The following COL5A2 variants were observed in gnomAD, a reference collection of about 807,000 sequenced individuals.
COL5A2 encodes collagen alpha-2(V) chain.
COL5A2 carries 23 observed loss-of-function variants against 208.2 expected under a neutral mutation model. The ratio of observed to expected loss-of-function variants is 0.11; its 90% CI spans 0.08 to 0.16. The LOEUF is 0.16. COL5A2 is among the 10% of genes least tolerant of loss of function. The probability of loss-of-function intolerance (pLI) is 1.00; values close to 1 mark genes in which losing one functional copy is unlikely to be tolerated. For synonymous variants in COL5A2, 625 were observed against 628.5 expected, an observed-to-expected ratio of 0.99 and a Z score of 0.08; for missense variants, 1,590 against 1,956.4, an observed-to-expected ratio of 0.81 and a Z score of 3.53.
At chr2:189,160,062 A>G (rs140974546) in intron 1 of COL5A2, among the ~76,000 whole-genome samples, 1 of 152,234 alleles carries the variant, frequency 6.6e-6, no homozygotes, top group East Asian at 1.9e-4. Flanking sequence ...TTGGTGACTA[A>G]AATTGCCATC....
chr2:189,311,978 C>G, the COL5A2 span: 1 of 749,568 alleles, frequency 1.3e-6, no homozygotes, highest in East Asian at 2.5e-5. Context: ...CATCAGTGAC[C>G]TTGTGGAGCC....
chr2:189,428,561 T>C, the COL5A2 span, among the ~76,000 whole-genome samples: 1 of 152,026 alleles, frequency 6.6e-6, no homozygotes, highest in Non-Finnish European at 1.5e-5. Context: ...GAGGTTGCAG[T>C]GAGCCAAGAC....
chr2:189,423,118 T>C, the COL5A2 span, among the ~76,000 whole-genome samples: 1 of 150,406 alleles, frequency 6.6e-6, no homozygotes, highest in Non-Finnish European at 1.5e-5. Context: ...AATGACAAAA[T>C]TAAAAGGAAC....
At chr2:189,381,868 TTATAA>T in the COL5A2 span, among the ~76,000 whole-genome samples, 2 of 152,056 alleles carry the variant, frequency 1.3e-5, no homozygotes, top group East Asian at 1.9e-4. Context: ...GAAAATAGTA[TTATAA>T]TATAAACTTT....
the COL5A2 span, among the ~76,000 whole-genome samples, chr2:189,322,657 A>G: frequency 6.6e-6 from 1 of 152,188 alleles, no homozygotes; most frequent in Non-Finnish European, 1.5e-5. Context: ...TAGACCAATA[A>G]CACACTCTGA....
chr2:189,115,282 C>T (rs1032480894), intron 1 of COL5A2, among the ~76,000 whole-genome samples: 1 of 152,042 alleles, frequency 6.6e-6, no homozygotes, highest in African/African-American at 2.4e-5. Flanking sequence ...TTCTTAATCA[C>T]TAGATGGCAG....
At chr2:189,181,468 C>T (rs540061341), upstream of COL5A2, among the ~76,000 whole-genome samples, 28 of 152,264 alleles carry the variant, frequency 1.8e-4, no homozygotes, top group African/African-American at 5.8e-4. Flanking sequence ...ATCCATCTGA[C>T]TATATATTCA....
the COL5A2 span, among the ~76,000 whole-genome samples, chr2:189,376,316 T>A: frequency 1.3e-5 from 2 of 152,188 alleles, no homozygotes; most frequent in Non-Finnish European, 2.9e-5. Context: ...AGTACATTTA[T>A]GTCTTTCATA....
chr2:189,413,783 A>ATTTT, the COL5A2 span, among the ~76,000 whole-genome samples: 55 of 79,190 alleles, frequency 6.9e-4, 3 homozygotes, highest in Non-Finnish European at 9.4e-4. Flanking sequence ...CCTTGGCGTC[A>ATTTT]TTTTTTTTTT....
intron 3 of COL5A2, among the ~76,000 whole-genome samples, chr2:189,103,104 GTCTC>G (rs1217159386): frequency 1.3e-5 from 2 of 148,554 alleles, no homozygotes; most frequent in Non-Finnish European, 3.0e-5. Flanking sequence ...AGATTGGTCT[GTCTC>G]TCTATCTGTC....
chr2:189,436,751 C>CA, the COL5A2 span, among the ~76,000 whole-genome samples: 5,430 of 151,536 alleles, frequency 0.036, 113 homozygotes, highest in Admixed American at 0.051. Context: ...AACACTGAAA[C>CA]AAAAAAAACA....
chr2:189,374,222 G>A, the COL5A2 span, among the ~76,000 whole-genome samples: 9 of 152,042 alleles, frequency 5.9e-5, no homozygotes, highest in Admixed American at 2.6e-4. Context: ...CATGGAGTAA[G>A]GCACAGGTTT....
chr2:189,431,644 G>GA, the COL5A2 span, among the ~76,000 whole-genome samples: 1 of 152,016 alleles, frequency 6.6e-6, no homozygotes, highest in Non-Finnish European at 1.5e-5. Context: ...CAAGGTTAGA[G>GA]AAAAAAAGAA....
chr2:189,172,792 T>G (rs1432511763), intron 1 of COL5A2, among the ~76,000 whole-genome samples: 1 of 151,312 alleles, frequency 6.6e-6, no homozygotes, highest in Non-Finnish European at 1.5e-5. Flanking sequence ...GCATCTCAAA[T>G]AAAAGGTAAA....
Position 189,072,092 on chromosome 2 carries a change from C to T in COL5A2, c.1106G>A (p.Gly369Asp). The change falls in exon 18 of 54, where the codon GGT becomes GAT. Residue 369 changes from glycine (G) to aspartate (D), a missense_variant and splice_region_variant. Transcript: ENST00000374866. ...AGAAGAGCCTGGTATCCCAAGAGGA[C>T]CCTATTAAAAGAAACCAGAAAAGTA... Reference protein sequence around the residue: ...HGMPGKPGPMGPLGIPGSSGF... With the variant: ...HGMPGKPGPMDPLGIPGSSGF... 2 of 1,606,826 alleles carry T rather than the reference C, an allele frequency of 1.2e-6. No individual in the cohort carries two copies. Among genetic ancestry groups the T allele is most frequent in the Non-Finnish European group, 1.7e-6 (2 of 1,174,802 alleles).
chr2:189,398,843 T>A, the COL5A2 span, among the ~76,000 whole-genome samples: 1 of 152,204 alleles, frequency 6.6e-6, no homozygotes, highest in Non-Finnish European at 1.5e-5. Context: ...TTATCTTTAT[T>A]CCTCTCTATT....
chr2:189,077,142 TC>T (rs1426343586), intron 16 of COL5A2, among the ~76,000 whole-genome samples: 1 of 151,952 alleles, frequency 6.6e-6, no homozygotes, highest in Non-Finnish European at 1.5e-5. Context: ...AGTGGCCCAT[TC>T]CCCCCATTAA....
At chr2:189,209,731 A>G (rs1689188401) in intron 1 of COL5A2, among the ~76,000 whole-genome samples, 1 of 152,236 alleles carries the variant, frequency 6.6e-6, no homozygotes, top group East Asian at 1.9e-4. Context: ...CAGACTCTTA[A>G]TTTTGGCTGA....
the COL5A2 span, among the ~76,000 whole-genome samples, chr2:189,265,913 T>C: frequency 6.6e-6 from 1 of 152,108 alleles, no homozygotes; most frequent in Non-Finnish European, 1.5e-5. Flanking sequence ...CAGTTTGGCA[T>C]TTCCCCAAAT....
Sources: allele counts gnomAD v4.1 joint callset (sites outside exome capture counted in the v4.1 genomes callset), GRCh38; gene constraint gnomAD v4.1.1; transcripts MANE v1.5; gene names NCBI Gene and HGNC (gene_info 2026-07-23, HGNC 2026-07-21).